The following PPARGC1A variants were observed in gnomAD, a reference collection of about 807,000 sequenced individuals.
PPARGC1A encodes the protein peroxisome proliferator-activated receptor gamma coactivator 1-alpha.
A neutral mutation model predicts 88.7 loss-of-function variants in PPARGC1A; 25 were observed. The ratio of observed to expected loss-of-function variants is 0.28; its 90% CI spans 0.21 to 0.39. The LOEUF (loss-of-function observed/expected upper bound fraction) is 0.39. Ranked by LOEUF, PPARGC1A falls within the 10% of genes least tolerant of loss-of-function variation. PPARGC1A has a pLI of 1.00. For missense variants in PPARGC1A, 880 were observed against 968.7 expected (o/e 0.91, Z 1.22); for synonymous variants, 363 against 355.6 (o/e 1.02, Z -0.24).
At chr4:23,873,234 A>T (rs1262095163) in intron 2 of PPARGC1A, among the ~76,000 whole-genome samples, 23 of 151,024 alleles carry the variant, frequency 1.5e-4, no homozygotes, top group African/African-American at 4.1e-4. Context: ...TAAAGAAAAA[A>T]ATGTGACCAG....
the PPARGC1A span, among the ~76,000 whole-genome samples, chr4:24,033,083 C>T: frequency 7.2e-5 from 11 of 152,148 alleles, no homozygotes; most frequent in Admixed American, 5.9e-4. Context: ...AGTGAATATA[C>T]ACATGATTCC....
chr4:24,056,695 G>A, the PPARGC1A span, among the ~76,000 whole-genome samples: 150 of 152,254 alleles, frequency 9.9e-4, 2 homozygotes, highest in South Asian at 0.029. Context: ...GTAAAATGAG[G>A]AATATAATAC....
chr4:24,331,981 G>A, the PPARGC1A span, among the ~76,000 whole-genome samples: 1 of 151,528 alleles, frequency 6.6e-6, no homozygotes, highest in Non-Finnish European at 1.5e-5. Context: ...TCCCCTCCCT[G>A]TGTCCATGTG....
the PPARGC1A span, among the ~76,000 whole-genome samples, chr4:24,096,561 C>T: frequency 6.6e-6 from 1 of 152,132 alleles, no homozygotes; most frequent in African/African-American, 2.4e-5. Flanking sequence ...AAAGTCATGG[C>T]AAGAATGTAA....
the PPARGC1A span, among the ~76,000 whole-genome samples, chr4:24,150,515 C>T: frequency 6.6e-6 from 1 of 152,100 alleles, no homozygotes; most frequent in Admixed American, 6.5e-5. Flanking sequence ...TTGACCCATC[C>T]CAATTAGCCC....
the PPARGC1A span, among the ~76,000 whole-genome samples, chr4:24,040,375 A>G: frequency 6.6e-6 from 1 of 152,218 alleles, no homozygotes; most frequent in Admixed American, 6.5e-5. Context: ...CCTCTTTGAA[A>G]CCCAAAATAA....
chr4:24,470,267 GACAGAC>G, the PPARGC1A span, among the ~76,000 whole-genome samples: 1,295 of 85,490 alleles, frequency 0.015, 12 homozygotes, highest in Non-Finnish European at 0.022. This position sits in a 1 kb window ranked among gnomAD's most constrained non-coding sequence, Gnocchi z 5.8. Flanking sequence ...CTGACTCATC[GACAGAC>G]ACAGACACAC....
the PPARGC1A span, among the ~76,000 whole-genome samples, chr4:24,353,206 T>TC: frequency 1.3e-5 from 2 of 151,704 alleles, no homozygotes; most frequent in African/African-American, 2.4e-5. Context: ...TTTTTTTTTT[T>TC]CAAATCCTCT....
chr4:23,810,211 T>A (rs1720638615), intron 10 of PPARGC1A, among the ~76,000 whole-genome samples: 1 of 152,194 alleles, frequency 6.6e-6, no homozygotes, highest in Non-Finnish European at 1.5e-5. Flanking sequence ...TGGTAAACAA[T>A]CTCTATGTTC....
the PPARGC1A span, among the ~76,000 whole-genome samples, chr4:23,990,972 A>G: frequency 1.4e-4 from 21 of 146,258 alleles, no homozygotes; most frequent in East Asian, 2.7e-3. Flanking sequence ...ACCCTACAAG[A>G]GTTTGGAAGC....
At chr4:24,378,384 T>TA in the PPARGC1A span, among the ~76,000 whole-genome samples, 1 of 152,096 alleles carries the variant, frequency 6.6e-6, no homozygotes, top group Non-Finnish European at 1.5e-5. Flanking sequence ...TGTGTAGTTG[T>TA]AATGTAGGAT....
chr4:23,904,762 T>G (rs1028356491), upstream of PPARGC1A, among the ~76,000 whole-genome samples: 1 of 152,226 alleles, frequency 6.6e-6, no homozygotes, highest in Non-Finnish European at 1.5e-5. Flanking sequence ...TGAGATGTAC[T>G]AAGCCCTTTG....
At chr4:24,091,658 C>A in the PPARGC1A span, 1 of 984,528 alleles carries the variant, frequency 1.0e-6, no homozygotes, top group Non-Finnish European at 1.2e-6. Context: ...AAATGCCATG[C>A]CAGAGGATGA....
chr4:23,917,903 C>T, the PPARGC1A span, among the ~76,000 whole-genome samples: 11 of 152,296 alleles, frequency 7.2e-5, no homozygotes, highest in South Asian at 2.3e-3. Flanking sequence ...TAAATTTTAT[C>T]TATTAATTAA....
the PPARGC1A span, among the ~76,000 whole-genome samples, chr4:24,319,223 G>A: frequency 2.6e-5 from 4 of 152,030 alleles, no homozygotes; most frequent in East Asian, 3.9e-4. Flanking sequence ...CATGCCTGTC[G>A]TCCCAGCTAC....
At chr4:24,161,638 G>C in the PPARGC1A span, among the ~76,000 whole-genome samples, 2 of 152,222 alleles carry the variant, frequency 1.3e-5, no homozygotes, top group East Asian at 3.9e-4. Context: ...TAGTATAAGA[G>C]GGTTTTCATT....
chr4:23,798,755 G>T (rs1055744968), intron 12 of PPARGC1A, among the ~76,000 whole-genome samples: 3 of 151,822 alleles, frequency 2.0e-5, no homozygotes, highest in Non-Finnish European at 4.4e-5. Flanking sequence ...AGATCCATTT[G>T]CTTATAAGAC....
intron 2 of PPARGC1A, among the ~76,000 whole-genome samples, chr4:23,872,164 A>G (rs1217165013): frequency 1.3e-5 from 2 of 152,190 alleles, no homozygotes; most frequent in African/African-American, 2.4e-5. Flanking sequence ...TCAAATAGAA[A>G]GGTCAACAGA....
At chr4:23,829,681 A>T (rs1724652919) in intron 3 of PPARGC1A, 96 bp from the exon 4 acceptor site, 1 of 1,192,450 alleles carries the variant, frequency 8.4e-7, no homozygotes, top group Admixed American at 2.5e-5. Context: ...AATTTATTAT[A>T]ATTATAAAAG....
Sources: gnomAD v4.1 joint callset for allele counts (sites outside exome capture counted in the v4.1 genomes callset) on GRCh38, gnomAD v4.1.1 for gene constraint, Gnocchi (gnomAD v3.1) non-coding constraint, MANE v1.5 for transcripts, NCBI Gene and HGNC (gene_info 2026-07-23, HGNC 2026-07-21) for gene names.